KAZN: variants seen among roughly 807,000 people sequenced by gnomAD.
KAZN encodes the protein kazrin.
In KAZN, 40 loss-of-function variants were observed where a neutral mutation model predicts 87.4. That is an observed-to-expected ratio of 0.46 (90% CI 0.36 to 0.60). KAZN has a LOEUF of 0.60. Ranked by LOEUF, KAZN falls within the 20% of genes least tolerant of loss-of-function variation. The pLI, the probability that KAZN is intolerant of heterozygous loss-of-function variation, is 0.00. For missense variants in KAZN, 898 were observed against 1,073.9 expected, an observed-to-expected ratio of 0.84 and a Z score of 2.29; for synonymous variants, 466 against 458.3, an observed-to-expected ratio of 1.02 and a Z score of -0.22.
intron 2 of KAZN, among the ~76,000 whole-genome samples, chr1:14,251,642 A>ATT (rs1571144709): frequency 2.5e-5 from 2 of 81,518 alleles, no homozygotes; most frequent in African/African-American, 1.7e-4. Context: ...GTTCTCCCGG[A>ATT]CTTTTTTTTT....
rs117020457 is a variant in KAZN at position 14,527,628 on chromosome 1, G to A, written c.250-71355G>A. 5.1e-4 allele frequency among the ~76,000 whole-genome samples: 77 copies of A among 151,802 alleles called. No individual in the cohort carries two copies. In the East Asian group the frequency reaches 0.013, roughly 25 times the overall value. On this transcript the variant is annotated intron_variant, in intron 2 of 16. Transcript: ENST00000636203. ...AGCAAGAAACAAGAAACACAATGCC[G>A]GCATCTGCTCCTGGTGAGGGGCTCC...
At chr1:14,440,720 G>A (rs962180984) in intron 2 of KAZN, among the ~76,000 whole-genome samples, 1 of 152,128 alleles carries the variant, frequency 6.6e-6, no homozygotes, top group South Asian at 2.1e-4. Flanking sequence ...AACCAAGCAT[G>A]GTGCTCTTCT....
chr1:14,409,020 G>A (rs530711545), intron 2 of KAZN, among the ~76,000 whole-genome samples: 9 of 152,274 alleles, frequency 5.9e-5, no homozygotes, highest in Admixed American at 2.0e-4. Context: ...TCCAGGCAGA[G>A]GGAATTTTTT....
At position 14,672,691 on chromosome 1, in the gene KAZN, G is replaced by T. The variant is rs565678871; in HGVS notation, c.226+73468G>T. Among the ~76,000 whole-genome samples the T allele has an allele frequency of 5.3e-5, 8 of 152,328 alleles. No individual in the cohort carries two copies. In the East Asian group the frequency reaches 1.5e-3, roughly 29 times the overall value. ...AGAATCCAGAAGGTCAGAGAACCAG[G>T]TTCGGAGCAGCTACACAGCAGGAAC... On this transcript the variant is annotated intron_variant, in intron 1 of 14. Coordinates refer to ENST00000376030, the MANE Select transcript of KAZN (RefSeq NM_201628.3).
At chr1:14,086,431 T>C (rs576447502) in intron 1 of KAZN, among the ~76,000 whole-genome samples, 11 of 152,324 alleles carry the variant, frequency 7.2e-5, no homozygotes, top group African/African-American at 2.6e-4. Context: ...AGCTCCCACT[T>C]ATAAGTGAGA....
intron 1 of KAZN, among the ~76,000 whole-genome samples, chr1:14,942,764 G>T (rs1661243276): frequency 6.6e-6 from 1 of 152,184 alleles, no homozygotes; most frequent in African/African-American, 2.4e-5. Flanking sequence ...ACAGGTCAGG[G>T]CTGCACCAGA....
rs1395969966 is a variant in KAZN at position 14,409,450 on chromosome 1, TTC to T, written c.250-189531_250-189530del. ...GAGCGCTTGAGTTCCTTGATGTAGA[TTC>T]TGTTAAAACAAAATTATTGTCTGAA... On this transcript the variant is annotated intron_variant, in intron 2 of 16. Transcript: ENST00000636203. 3.9e-5 allele frequency among the ~76,000 whole-genome samples: 6 copies of T among 152,304 alleles called. No individual in the cohort carries two copies. In the East Asian group the frequency reaches 1.2e-3, roughly 29 times the overall value.
At chr1:13,911,035 C>G (rs1639634977) in intron 1 of KAZN, among the ~76,000 whole-genome samples, 2 of 151,944 alleles carry the variant, frequency 1.3e-5, no homozygotes, top group African/African-American at 4.8e-5. Context: ...GAGGAAATGG[C>G]ACACACTTTT....
chr1:14,697,373 GAT>G (rs929364397), intron 1 of KAZN, among the ~76,000 whole-genome samples: 32 of 152,148 alleles, frequency 2.1e-4, no homozygotes, highest in Admixed American at 1.2e-3. Flanking sequence ...AAAAGAAAAG[GAT>G]GGAAGGGTCA....
chr1:14,814,238 C>T (rs1323430741), intron 1 of KAZN, among the ~76,000 whole-genome samples: 1 of 151,514 alleles, frequency 6.6e-6, no homozygotes, highest in Non-Finnish European at 1.5e-5. Context: ...ATTATTATTA[C>T]TTTTTTGAGA....
chr1:14,601,215 T>C (rs1676946727), intron 1 of KAZN, among the ~76,000 whole-genome samples: 1 of 152,202 alleles, frequency 6.6e-6, no homozygotes, highest in African/African-American at 2.4e-5. Flanking sequence ...CTCAAAATCT[T>C]TCCTAGGGGC....
chr1:14,393,332 T>C (rs1456350106), intron 2 of KAZN, among the ~76,000 whole-genome samples: 3 of 152,152 alleles, frequency 2.0e-5, no homozygotes, highest in Non-Finnish European at 4.4e-5. Context: ...CACCAAATAA[T>C]AGATGCTATA....
chr1:14,354,521 A>G lies in KAZN; in HGVS notation c.249+173929A>G, dbSNP rs962744122. Among the ~76,000 whole-genome samples the G allele has an allele frequency of 6.6e-5, 10 of 152,238 alleles. 1 individual carries two copies. The highest frequency in any genetic ancestry group is 2.9e-5 in the Non-Finnish European group (2 of 68,042). On this transcript the variant is annotated intron_variant, in intron 2 of 16. Transcript: ENST00000636203. The stretch of plus-strand genomic sequence containing the variant: ...AAAATACTTGACTAGCAGACAGTTC[A>G]TAAAAGACGTATAAATGATAAAGAA...
At chr1:14,352,910 A>G (rs1223176483) in intron 2 of KAZN, among the ~76,000 whole-genome samples, 2 of 152,268 alleles carry the variant, frequency 1.3e-5, no homozygotes, top group African/African-American at 4.8e-5. Flanking sequence ...ACCAATTAAA[A>G]GAAAAATAGA....
chr1:14,910,363 G>C (rs956674742), intron 1 of KAZN, among the ~76,000 whole-genome samples: 5 of 152,172 alleles, frequency 3.3e-5, no homozygotes, highest in East Asian at 1.9e-4. Context: ...CTCAGGATCC[G>C]GTTCCTGGCC....
chr1:14,797,922 G>A (rs971101203), intron 1 of KAZN, among the ~76,000 whole-genome samples: 4 of 152,152 alleles, frequency 2.6e-5, no homozygotes, highest in Non-Finnish European at 4.4e-5. Context: ...AAAACACGAT[G>A]CCCACGATGT....
intron 2 of KAZN, among the ~76,000 whole-genome samples, chr1:14,559,895 C>T (rs746364729): frequency 2.0e-5 from 3 of 152,238 alleles, no homozygotes; most frequent in Non-Finnish European, 4.4e-5. Flanking sequence ...GAGCAAGTGA[C>T]ACTCACCAGT....
intron 1 of KAZN, among the ~76,000 whole-genome samples, chr1:14,952,609 C>T (rs762362476): frequency 9.9e-5 from 15 of 151,724 alleles, no homozygotes; most frequent in Non-Finnish European, 1.8e-4. Context: ...GGGTGTCCAC[C>T]CCGATGGTCA....
chr1:14,255,694 T>C (rs1015906989), intron 2 of KAZN, among the ~76,000 whole-genome samples: 1 of 152,248 alleles, frequency 6.6e-6, no homozygotes, highest in African/African-American at 2.4e-5. Flanking sequence ...TTACAACCTG[T>C]CTGACACTGG....
Sources: gnomAD v4.1 joint callset for allele counts (sites outside exome capture counted in the v4.1 genomes callset) on GRCh38, gnomAD v4.1.1 for gene constraint, MANE v1.5 for transcripts, NCBI Gene and HGNC (gene_info 2026-07-23, HGNC 2026-07-21) for gene names.